The following FAM13A variants were observed in gnomAD, a reference collection of about 807,000 sequenced individuals.
The protein encoded by FAM13A is family with sequence similarity 13 member A, also known as protein FAM13A.
A neutral mutation model predicts 129.6 loss-of-function variants in FAM13A; 76 were observed. The ratio of observed to expected loss-of-function variants is 0.59; its 90% confidence interval spans 0.49 to 0.71. FAM13A has a LOEUF of 0.71. Ranked by LOEUF, FAM13A falls within the 30% of genes least tolerant of loss-of-function variation. FAM13A has a pLI of 0.00. For synonymous variants in FAM13A, 443 were observed against 449.9 expected, an observed-to-expected ratio of 0.98 and a Z score of 0.20; for missense variants, 1,108 against 1,249.3, an observed-to-expected ratio of 0.89 and a Z score of 1.70.
intron 11 of FAM13A, among the ~76,000 whole-genome samples, chr4:88,774,225 ACCTCTTACCACTTTCCAT>A (rs1194661240): frequency 2.6e-5 from 4 of 151,768 alleles, no homozygotes; most frequent in Non-Finnish European, 5.9e-5. Context: ...TCGATCCTTT[ACCTCTTACCACTTTCCAT>A]CCTCTTTACC....
At chr4:89,052,254 C>CT (rs201655712) in intron 1 of FAM13A, among the ~76,000 whole-genome samples, 4 of 108,420 alleles carry the variant, frequency 3.7e-5, no homozygotes, top group South Asian at 3.0e-4. Context: ...GCAGCGCTTT[C>CT]TTTTTTTTTT....
At chr4:88,820,588 A>G (rs1246941480) in intron 7 of FAM13A, among the ~76,000 whole-genome samples, 1 of 152,238 alleles carries the variant, frequency 6.6e-6, no homozygotes, top group Non-Finnish European at 1.5e-5. Context: ...GTTGAGTAGT[A>G]TAATGCTAGA....
chr4:88,891,128 A>G (rs1745237756), intron 6 of FAM13A, among the ~76,000 whole-genome samples: 1 of 152,198 alleles, frequency 6.6e-6, no homozygotes, highest in South Asian at 2.1e-4. Context: ...AGAGATTAGA[A>G]AAAAGGGACT....
Position 88,871,822 on chromosome 4 carries a change from CA to C in FAM13A, c.844-20640del, listed in dbSNP as rs545333170. 7.9e-3 allele frequency among the ~76,000 whole-genome samples: 1,203 copies of C among 152,224 alleles called. 7 individuals carry two copies. The highest frequency in any genetic ancestry group is 0.014 in the Middle Eastern group (4 of 294). ...CCACAAAGATACTCCTCAAGAAAAG[CA>C]ACCCCAAGACACATAATTGTCAGAT... is the stretch of plus-strand genomic sequence containing the variant. On this transcript the variant is annotated intron_variant, in intron 6 of 23. Transcript: ENST00000264344.
In FAM13A at chr4:89,050,433, T is replaced by C. The variant is rs555342821; in HGVS notation, c.27+6505A>G. ...GTTGGCCACATTGGTCTTGAACTCC[T>C]GGCCTTAAGTGATCCACCTGCATTG... On this transcript the variant is annotated intron_variant, in intron 1 of 23. Coordinates refer to ENST00000264344, the MANE Select transcript of FAM13A (RefSeq NM_014883.4). Among the ~76,000 whole-genome samples the C allele has an allele frequency of 1.6e-4, 25 of 152,138 alleles. No homozygotes were observed. In the South Asian group the frequency reaches 4.0e-3, roughly 24 times the overall value.
At chr4:88,904,097 T>C (rs1362592590) in intron 6 of FAM13A, among the ~76,000 whole-genome samples, 1 of 152,064 alleles carries the variant, frequency 6.6e-6, no homozygotes, top group Non-Finnish European at 1.5e-5. Flanking sequence ...GAATGGCTAT[T>C]ATTAAAAAGT....
At chr4:88,808,300 T>C (rs564123257) in intron 7 of FAM13A, among the ~76,000 whole-genome samples, 4 of 152,184 alleles carry the variant, frequency 2.6e-5, no homozygotes, top group Admixed American at 2.6e-4. Flanking sequence ...GGACAATTCT[T>C]CCAAATAAAA....
intron 5 of FAM13A, among the ~76,000 whole-genome samples, chr4:88,921,648 G>A (rs528221777): frequency 1.3e-5 from 2 of 152,198 alleles, no homozygotes; most frequent in South Asian, 2.1e-4. Context: ...ATCAACTAAC[G>A]AGCAAAATAA....
intron 6 of FAM13A, among the ~76,000 whole-genome samples, chr4:88,878,447 T>C (rs2150114250): frequency 6.6e-6 from 1 of 152,252 alleles, no homozygotes; most frequent in East Asian, 1.9e-4. Flanking sequence ...TTTCCTCTTC[T>C]AGACATGGAT....
intron 3 of FAM13A, 48 bp from the exon 4 acceptor site, chr4:88,991,198 C>A: frequency 1.4e-6 from 2 of 1,454,304 alleles, no homozygotes; most frequent in Non-Finnish European, 1.9e-6. Flanking sequence ...TTCACAGTAA[C>A]AACAACAAAA....
At chr4:88,969,864 C>A (rs1287975568) in intron 4 of FAM13A, among the ~76,000 whole-genome samples, 1 of 152,218 alleles carries the variant, frequency 6.6e-6, no homozygotes, top group Non-Finnish European at 1.5e-5. Flanking sequence ...TCCAGTCAGT[C>A]TAGTGCTGAA....
rs1767135611 is a variant in FAM13A, at chr4:89,020,593, A to G, written c.294T>C (p.Ser98=). ...VVEQLRLKFE[S]GVPVELGKDG... ...CCTTCCCGAGCTCCACGGGCACTCC[A>G]CTCTCGAACTTCAGTCGAAGTTGTT... The change falls in exon 3 of 24, where the codon AGT becomes AGC. Residue 98 remains serine, a synonymous_variant. Coordinates refer to ENST00000264344, the MANE Select transcript of FAM13A (RefSeq NM_014883.4). The G allele has an allele frequency of 1.2e-6, 2 of 1,613,894 alleles. No homozygotes were observed. The highest frequency in any genetic ancestry group is 1.7e-6 in the Non-Finnish European group (2 of 1,179,980).
intron 5 of FAM13A, among the ~76,000 whole-genome samples, chr4:88,907,980 T>C (rs957660811): frequency 2.6e-5 from 4 of 152,240 alleles, no homozygotes; most frequent in African/African-American, 9.6e-5. Flanking sequence ...ACACAGCACA[T>C]GTTCTCAGGT....
intron 7 of FAM13A, among the ~76,000 whole-genome samples, chr4:88,814,814 T>C (rs1326579973): frequency 4.6e-5 from 7 of 152,084 alleles, no homozygotes; most frequent in Admixed American, 4.6e-4. Flanking sequence ...TTCTTTATTT[T>C]TATTTCTAGT....
intron 4 of FAM13A, among the ~76,000 whole-genome samples, chr4:88,968,571 A>G (rs1442274232): frequency 6.6e-6 from 1 of 152,156 alleles, no homozygotes; most frequent in East Asian, 1.9e-4. Flanking sequence ...TATATGCCCC[A>G]GAGGATATAC....
At chr4:88,761,106 C>T (rs911208044) in intron 13 of FAM13A, among the ~76,000 whole-genome samples, 2 of 152,142 alleles carry the variant, frequency 1.3e-5, no homozygotes. Flanking sequence ...ATTTACTAGC[C>T]TGGTGCCCTG....
At chr4:88,763,864 C>T (rs1224233113) in intron 13 of FAM13A, among the ~76,000 whole-genome samples, 1 of 152,128 alleles carries the variant, frequency 6.6e-6, no homozygotes, top group African/African-American at 2.4e-5. Context: ...TTTTCAAAAT[C>T]CATGTGAACT....
intron 7 of FAM13A, among the ~76,000 whole-genome samples, chr4:88,825,216 A>T (rs1285745046): frequency 2.1e-5 from 3 of 146,090 alleles, no homozygotes; most frequent in African/African-American, 7.6e-5. Flanking sequence ...TTCTGTGTGA[A>T]TTTTTTTTTT....
chr4:89,055,673 G>T (rs1462723728), intron 1 of FAM13A, among the ~76,000 whole-genome samples: 1 of 152,090 alleles, frequency 6.6e-6, no homozygotes, highest in Admixed American at 6.6e-5. Flanking sequence ...GGCCACCTCT[G>T]CAGTAAAGTA....
Sources: allele counts gnomAD v4.1 joint callset (sites outside exome capture counted in the v4.1 genomes callset), GRCh38; gene constraint gnomAD v4.1.1; transcripts MANE v1.5; gene names NCBI Gene and HGNC (gene_info 2026-07-23, HGNC 2026-07-21).